SMARCA2: variants seen among roughly 807,000 people sequenced by gnomAD.
SMARCA2 encodes the protein SWI/SNF-related matrix-associated actin-dependent regulator of chromatin subfamily A member 2.
SMARCA2 carries 61 observed loss-of-function variants against 199.8 expected under a neutral mutation model. That is an observed-to-expected ratio of 0.31 (90% CI 0.25 to 0.38). SMARCA2 has a LOEUF of 0.38. Ranked by LOEUF, SMARCA2 falls within the 10% of genes least tolerant of loss-of-function variation. The probability of loss-of-function intolerance (pLI) is 1.00; values close to 1 mark genes in which losing one functional copy is unlikely to be tolerated. For missense variants in SMARCA2, 1,344 were observed against 2,012.2 expected (o/e 0.67, Z 6.35); for synonymous variants, 935 against 732.0 (o/e 1.28, Z -4.48).
intron 29 of SMARCA2, among the ~76,000 whole-genome samples, chr9:2,171,674 C>T (rs1473472177): frequency 4.6e-5 from 7 of 152,276 alleles, no homozygotes; most frequent in African/African-American, 1.2e-4. Context: ...ATTGAAACAA[C>T]GAATAGTTGA....
chr9:2,033,207 T>C, intron 3 of SMARCA2, 126 bp downstream of exon 3: 1 of 1,050,456 alleles, frequency 9.5e-7, no homozygotes, highest in Non-Finnish European at 1.4e-6. Context: ...AGGTTTCTTT[T>C]CCTTATGGAA....
chr9:2,098,547 C>T (rs1001593976), intron 21 of SMARCA2, among the ~76,000 whole-genome samples: 1 of 152,044 alleles, frequency 6.6e-6, no homozygotes, highest in Non-Finnish European at 1.5e-5. Context: ...GGGGAGTGTA[C>T]CCATAGACAT....
rs144914809 is a variant in SMARCA2, at chr9:2,175,984, G to A, written c.4253+5512G>A. ...CAACCTCCGTCTCCTGGGTTCAAGC[G>A]ATTCTCCTGCCTCAGCCTCCTGAGT... On this transcript the variant is annotated intron_variant, in intron 29 of 33. Transcript: ENST00000349721. 6.6e-3 allele frequency among the ~76,000 whole-genome samples: 997 copies of A among 152,054 alleles called. 9 individuals are homozygous for A. The highest frequency in any genetic ancestry group is 0.022 in the African/African-American group (913 of 41,486).
intron 29 of SMARCA2, among the ~76,000 whole-genome samples, chr9:2,179,793 T>C (rs755046258): frequency 6.6e-6 from 1 of 152,160 alleles, no homozygotes; most frequent in African/African-American, 2.4e-5. Flanking sequence ...AGATGTGTCA[T>C]TGAGGGAGAG....
intron 4 of SMARCA2, among the ~76,000 whole-genome samples, chr9:2,046,614 G>T (rs891831355): frequency 1.3e-5 from 2 of 151,680 alleles, no homozygotes; most frequent in Non-Finnish European, 3.0e-5. Context: ...TGATAAACTC[G>T]TTGCTCTGTT....
At position 2,060,978 on chromosome 9, in the gene SMARCA2, A is replaced by G. The variant is rs757410444; in HGVS notation, c.1684A>G (p.Arg562Gly). The change falls in exon 9 of 34, where the codon AGG becomes GGG. Residue 562 changes from arginine to glycine, a missense_variant. Arg to Gly is a moderately radical substitution (Grantham distance 125, BLOSUM62 -2). Coordinates refer to ENST00000349721, the MANE Select transcript of SMARCA2 (RefSeq NM_003070.5). Reference sequence around the variant, plus strand: ...CAAAGAGAAGAAGAAGAGGAGGAGGAGGAAGAAGGTGCGTATCCTAGTGGT... The same window carrying G: ...CAAAGAGAAGAAGAAGAGGAGGAGGGGGAAGAAGGTGCGTATCCTAGTGGT... ...AAKEKKKRRR[R>G]KKKAEENAEG... 6.2e-7 allele frequency: 1 copy of G among 1,613,746 alleles called. No homozygotes were observed. Among genetic ancestry groups the G allele is most frequent in the Non-Finnish European group, 8.5e-7 (1 of 1,179,820 alleles).
chr9:2,175,588 C>T (rs562482231), intron 29 of SMARCA2, among the ~76,000 whole-genome samples: 11 of 152,212 alleles, frequency 7.2e-5, no homozygotes, highest in East Asian at 1.9e-4. Context: ...GATCCTTAAA[C>T]GTAATTTCTT....
At chr9:2,032,252 T>C (rs559325164) in intron 2 of SMARCA2, among the ~76,000 whole-genome samples, 1 of 152,322 alleles carries the variant, frequency 6.6e-6, no homozygotes, top group Admixed American at 6.5e-5. Flanking sequence ...ATTGCCCAAT[T>C]CTGGATTGGA....
At chr9:2,158,113 A>G in intron 27 of SMARCA2, 1 of 314,040 alleles carries the variant, frequency 3.2e-6, no homozygotes, top group Admixed American at 5.3e-5. Context: ...CATGAAAAAC[A>G]TTTTCTTTTA....
intron 4 of SMARCA2, chr9:2,040,595 TG>T (rs1371365960): frequency 6.6e-6 from 1 of 152,402 alleles, no homozygotes; most frequent in Admixed American, 6.5e-5. Flanking sequence ...ATTTCTAGCA[TG>T]AGAGTATAGA....
intron 25 of SMARCA2, among the ~76,000 whole-genome samples, chr9:2,116,486 G>A (rs1042793174): frequency 1.3e-5 from 2 of 152,172 alleles, no homozygotes; most frequent in African/African-American, 2.4e-5. Flanking sequence ...GCTTCAACAT[G>A]TTTGTAGGAC....
At chr9:2,038,819 C>T (rs1486498741) in intron 3 of SMARCA2, among the ~76,000 whole-genome samples, 2 of 152,184 alleles carry the variant, frequency 1.3e-5, no homozygotes, top group Admixed American at 1.3e-4. Context: ...TGCAAGTCAA[C>T]TCCTTGCATA....
At chr9:2,024,218 G>A (rs1818725638) in intron 1 of SMARCA2, among the ~76,000 whole-genome samples, 1 of 152,070 alleles carries the variant, frequency 6.6e-6, no homozygotes, top group African/African-American at 2.4e-5. Flanking sequence ...TAAACTTGAA[G>A]GCCTTGCTGA....
rs565438595 is a variant in SMARCA2 at position 2,183,754 on chromosome 9, C to T, written c.4461+1512C>T. Among the ~76,000 whole-genome samples the T allele has an allele frequency of 4.6e-5, 7 of 152,314 alleles. No homozygotes were observed. The East Asian group carries it at 9.6e-4, about 21-fold the overall frequency. On this transcript the variant is annotated intron_variant, in intron 31 of 33. Coordinates refer to ENST00000349721, the MANE Select transcript of SMARCA2 (RefSeq NM_003070.5). ...AAAGCAAGCCTTCTGTTACTCAAGA[C>T]ACTCTCCAAGGAAAAAGTTAAGCTT...
At chr9:2,021,340 A>G (rs572899707) in intron 1 of SMARCA2, among the ~76,000 whole-genome samples, 2 of 152,246 alleles carry the variant, frequency 1.3e-5, no homozygotes, top group African/African-American at 4.8e-5. Context: ...TTGGAATTCA[A>G]AATTACTTAA....
intron 23 of SMARCA2, among the ~76,000 whole-genome samples, chr9:2,105,412 A>ATT (rs111987923): frequency 1.4e-3 from 205 of 146,116 alleles, no homozygotes; most frequent in South Asian, 5.9e-3. Flanking sequence ...CGCCCGGCTA[A>ATT]TTTTTTTTTT....
At chr9:2,042,143 C>G (rs1175830560) in intron 4 of SMARCA2, 1 of 152,196 alleles carries the variant, frequency 6.6e-6, no homozygotes, top group Non-Finnish European at 1.5e-5. Context: ...TACTTAGATC[C>G]TTTTCCCTCT....
At chr9:2,035,187 G>A (rs1028107049) in intron 3 of SMARCA2, among the ~76,000 whole-genome samples, 16 of 151,894 alleles carry the variant, frequency 1.1e-4, no homozygotes, top group African/African-American at 2.4e-4. Flanking sequence ...GACTACAGGC[G>A]TGTGCCACCA....
At chr9:2,141,358 G>C (rs149885738) in intron 27 of SMARCA2, among the ~76,000 whole-genome samples, 1 of 152,136 alleles carries the variant, frequency 6.6e-6, no homozygotes, top group Non-Finnish European at 1.5e-5. Flanking sequence ...TTTGGATTTC[G>C]CATTTAGTTA....
Sources: allele counts gnomAD v4.1 joint callset (sites outside exome capture counted in the v4.1 genomes callset), GRCh38; gene constraint gnomAD v4.1.1; transcripts MANE v1.5; gene names NCBI Gene and HGNC (gene_info 2026-07-23, HGNC 2026-07-21).